The following MICAL2 variants were observed in gnomAD, a reference collection of about 807,000 sequenced individuals.
MICAL2 encodes microtubule associated monooxygenase, calponin and LIM domain containing 2.
In MICAL2, 77 loss-of-function variants were observed where a neutral mutation model predicts 127.3. That is an observed-to-expected ratio of 0.60 (90% confidence interval 0.50 to 0.73). The LOEUF is 0.73. MICAL2 is among the 30% of genes least tolerant of loss of function. MICAL2 has a pLI of 0.00. For synonymous variants in MICAL2, 570 were observed against 551.1 expected (o/e 1.03, Z -0.48); for missense variants, 1,351 against 1,434.4 (o/e 0.94, Z 0.94).
At chr11:12,182,649 TTTAA>T (rs1327563539) in intron 3 of MICAL2, among the ~76,000 whole-genome samples, 14 of 152,208 alleles carry the variant, frequency 9.2e-5, no homozygotes, top group Non-Finnish European at 1.6e-4. Flanking sequence ...ACGTTTTTCC[TTTAA>T]TTAAGGTCAC....
intron 25 of MICAL2, 97 bp from the exon 26 acceptor site, chr11:12,259,698 G>A (rs1004146732): frequency 8.9e-7 from 1 of 1,125,592 alleles, no homozygotes; most frequent in Non-Finnish European, 1.2e-6. Flanking sequence ...CTGGTTGCAG[G>A]GTCTGGCGAG....
At chr11:12,151,942 T>C (rs1447929370) in intron 2 of MICAL2, among the ~76,000 whole-genome samples, 1 of 152,040 alleles carries the variant, frequency 6.6e-6, no homozygotes, top group Non-Finnish European at 1.5e-5. Context: ...ATTTGATCTA[T>C]AGATCCTAGC....
At chr11:12,317,859 G>A (rs1864248388) in intron 29 of MICAL2, among the ~76,000 whole-genome samples, 1 of 151,882 alleles carries the variant, frequency 6.6e-6, no homozygotes, top group South Asian at 2.1e-4. Flanking sequence ...AAGACTCAGT[G>A]GCAACTATAT....
intron 7 of MICAL2, among the ~76,000 whole-genome samples, chr11:12,214,529 A>G (rs1855904908): frequency 6.6e-6 from 1 of 152,228 alleles, no homozygotes; most frequent in Non-Finnish European, 1.5e-5. Context: ...AAATTGATGT[A>G]TTGTCACTGC....
At chr11:12,195,902 G>A (rs996074658) in intron 3 of MICAL2, 1 of 152,514 alleles carries the variant, frequency 6.6e-6, no homozygotes, top group East Asian at 1.9e-4. Context: ...GGGTCCTAAG[G>A]CCTAGCCACA....
intron 1 of MICAL2, among the ~76,000 whole-genome samples, chr11:12,112,902 A>G (rs1186678884): frequency 6.6e-6 from 1 of 152,022 alleles, no homozygotes; most frequent in East Asian, 1.9e-4. Context: ...TTCTCTGCCT[A>G]TAATTGGGGT....
At chr11:12,244,560 T>C (rs1348331575) in intron 21 of MICAL2, among the ~76,000 whole-genome samples, 1 of 152,202 alleles carries the variant, frequency 6.6e-6, no homozygotes, top group Admixed American at 6.5e-5. Context: ...AACGTAACAC[T>C]ATTCATTCAT....
intron 1 of MICAL2, among the ~76,000 whole-genome samples, chr11:12,127,318 T>C (rs1851020865): frequency 6.6e-6 from 1 of 152,212 alleles, no homozygotes; most frequent in African/African-American, 2.4e-5. Context: ...CATTCATTCA[T>C]TCAGCAGGTA....
intron 2 of MICAL2, among the ~76,000 whole-genome samples, chr11:12,161,241 G>T (rs1019452062): frequency 6.6e-6 from 1 of 152,238 alleles, no homozygotes; most frequent in African/African-American, 2.4e-5. Flanking sequence ...TCTGAGGTTA[G>T]AATGGTGCAG....
intron 1 of MICAL2, among the ~76,000 whole-genome samples, chr11:12,118,432 T>C (rs115000566): frequency 1.8e-3 from 277 of 152,274 alleles, no homozygotes; most frequent in African/African-American, 6.5e-3. Context: ...CTGTTCCCCT[T>C]CTGCTCTTCC....
chr11:12,255,977 C>A, intron 23 of MICAL2: 2 of 482,104 alleles, frequency 4.1e-6, no homozygotes, highest in East Asian at 6.3e-5. Context: ...AAATAGAGAT[C>A]TTCCTGCTCT....
At chr11:12,326,037 C>G (rs993062012) in intron 31 of MICAL2, among the ~76,000 whole-genome samples, 1 of 152,210 alleles carries the variant, frequency 6.6e-6, no homozygotes, top group African/African-American at 2.4e-5. Flanking sequence ...GACTTAAGCA[C>G]TCATAGCTGG....
rs1856872843 is a variant in MICAL2 at position 12,176,636 on chromosome 11, T to C, written c.264+14217T>C. 2.6e-5 allele frequency among the ~76,000 whole-genome samples: 4 copies of C among 152,184 alleles called. No individual in the cohort carries two copies. The South Asian group carries it at 6.2e-4, about 24-fold the overall frequency. On this transcript the variant is annotated intron_variant, in intron 3 of 27. Coordinates refer to ENST00000683283, the MANE Select transcript of MICAL2 (RefSeq NM_001282663.2). The stretch of plus-strand genomic sequence containing the variant: ...CTACCCATTCAACAATAGCTGACAA[T>C]TCTCCCCTCCCCTCAGCCTTTGGCA...
chr11:12,318,355 C>G (rs1439349935), intron 29 of MICAL2, among the ~76,000 whole-genome samples: 1 of 152,198 alleles, frequency 6.6e-6, no homozygotes, highest in Non-Finnish European at 1.5e-5. Context: ...AATGCTTCCT[C>G]CCATTATTAT....
chr11:12,194,331 T>A (rs6485572), intron 3 of MICAL2, among the ~76,000 whole-genome samples: 1 of 152,186 alleles, frequency 6.6e-6, no homozygotes, highest in Non-Finnish European at 1.5e-5. Flanking sequence ...TGATGGATGT[T>A]CGTTGTTGTG....
At position 12,258,458 on chromosome 11, in the gene MICAL2, C is replaced by A. The variant is rs530281530; in HGVS notation, c.3143-10C>A. ...AAAATTTTTCTGTATGTGTGTGCCT[C>A]TTTTTACAGGCAAATTTTACTGCAA... is the stretch of plus-strand genomic sequence containing the variant. On this transcript the variant is annotated splice_polypyrimidine_tract_variant and intron_variant, in intron 24 of 27. Coordinates refer to ENST00000683283, the MANE Select transcript of MICAL2 (RefSeq NM_001282663.2). 1.2e-5 allele frequency: 20 copies of A among 1,613,050 alleles called. No individual in the cohort carries two copies. The South Asian group carries it at 1.8e-4, about 14-fold the overall frequency.
intron 1 of MICAL2, among the ~76,000 whole-genome samples, chr11:12,126,320 G>T (rs183934671): frequency 6.0e-4 from 91 of 152,324 alleles, no homozygotes; most frequent in African/African-American, 1.7e-3. Context: ...CTCTGGGTTT[G>T]CCTGGAAGAA....
At chr11:12,183,395 T>G (rs2133964184) in intron 3 of MICAL2, among the ~76,000 whole-genome samples, 1 of 152,160 alleles carries the variant, frequency 6.6e-6, no homozygotes, top group East Asian at 1.9e-4. Context: ...CTGGTGGACA[T>G]CTGTCCACAC....
At chr11:12,167,116 AG>A (rs1855599170) in intron 3 of MICAL2, among the ~76,000 whole-genome samples, 1 of 152,122 alleles carries the variant, frequency 6.6e-6, no homozygotes, top group Non-Finnish European at 1.5e-5. Context: ...AATCCTGTCC[AG>A]GGTTCTTTCC....
Sources: allele counts gnomAD v4.1 joint callset (sites outside exome capture counted in the v4.1 genomes callset), GRCh38; gene constraint gnomAD v4.1.1; transcripts MANE v1.5; gene names NCBI Gene and HGNC (gene_info 2026-07-23, HGNC 2026-07-21).